DOCK7: variants seen among roughly 807,000 people sequenced by gnomAD.
The protein encoded by DOCK7 is dedicator of cytokinesis protein 7.
In DOCK7, 138 loss-of-function variants were observed where a neutral mutation model predicts 271.0. That is an observed-to-expected ratio of 0.51 (90% confidence interval 0.44 to 0.59). The LOEUF (loss-of-function observed/expected upper bound fraction) is 0.59. Among genes scored for constraint, DOCK7 ranks in the 20% least tolerant of loss-of-function variants. DOCK7 has a pLI of 0.00. For synonymous variants in DOCK7, 823 were observed against 876.1 expected (o/e 0.94, Z 1.07); for missense variants, 2,066 against 2,592.4 (o/e 0.80, Z 4.41).
chr1:62,539,125 T>C (rs1315654875), intron 27 of DOCK7, among the ~76,000 whole-genome samples: 1 of 152,238 alleles, frequency 6.6e-6, no homozygotes, highest in East Asian at 1.9e-4. Context: ...TTCCAAACTC[T>C]ACAATGTCCA....
intron 2 of DOCK7, among the ~76,000 whole-genome samples, chr1:62,657,906 A>T (rs1303863693): frequency 6.6e-6 from 1 of 152,112 alleles, no homozygotes; most frequent in African/African-American, 2.4e-5. Context: ...AACAAAAATA[A>T]AAAACATCTT....
chr1:62,584,443 T>A (rs1037876748), intron 15 of DOCK7: 4 of 1,023,444 alleles, frequency 3.9e-6, no homozygotes, highest in Admixed American at 5.5e-5. Flanking sequence ...TGTCTATGTT[T>A]ATATACTCTT....
chr1:62,501,451 G>A (rs1176344465), intron 37 of DOCK7, among the ~76,000 whole-genome samples: 2 of 152,132 alleles, frequency 1.3e-5, no homozygotes, highest in African/African-American at 2.4e-5. Context: ...TAAATCAAGT[G>A]AAGTATATGC....
intron 14 of DOCK7, among the ~76,000 whole-genome samples, chr1:62,615,526 G>T (rs1652330583): frequency 6.6e-6 from 1 of 151,594 alleles, no homozygotes; most frequent in Non-Finnish European, 1.5e-5. Flanking sequence ...GAGGAATAAG[G>T]TTATGTAAAG....
At chr1:62,474,862 G>A (rs1441814909) in intron 47 of DOCK7, among the ~76,000 whole-genome samples, 4 of 152,136 alleles carry the variant, frequency 2.6e-5, no homozygotes, top group African/African-American at 4.8e-5. Flanking sequence ...TTAAAAAAAT[G>A]ATTCCATATC....
At position 62,619,982 on chromosome 1, in the gene DOCK7, G is replaced by A. The variant is rs768424024; in HGVS notation, c.1437C>T (p.Arg479=). 1.2e-6 allele frequency: 2 copies of A among 1,612,854 alleles called. No individual in the cohort carries two copies. Among genetic ancestry groups the A allele is most frequent in the Non-Finnish European group, 1.7e-6 (2 of 1,179,374 alleles). Residue 479 remains arginine, a synonymous_variant, in exon 13 of 50, where the codon CGC becomes CGT. Coordinates refer to ENST00000635253, the MANE Select transcript of DOCK7 (RefSeq NM_001367561.1). Reference sequence around the variant, plus strand: ...ATTTGTAGAGATCTTCATCACTTAAGCGGTCTCCTTCCTGATTTCAATAAT... The same window carrying A: ...ATTTGTAGAGATCTTCATCACTTAAACGGTCTCCTTCCTGATTTCAATAAT... The part of the protein sequence containing the change: ...VTNFFKQEGD[R]LSDEDLYKFL...
At chr1:62,597,863 GAGA>G (rs1649511681) in intron 14 of DOCK7, 1 of 1,599,680 alleles carries the variant, frequency 6.3e-7, no homozygotes. Flanking sequence ...AAAAGGAACT[GAGA>G]AGAACTACAT....
At chr1:62,528,676 T>C (rs190567211) in intron 30 of DOCK7, among the ~76,000 whole-genome samples, 4 of 152,346 alleles carry the variant, frequency 2.6e-5, no homozygotes, top group Admixed American at 2.6e-4. Flanking sequence ...CATTAGATAC[T>C]CAGGAAATGT....
intron 30 of DOCK7, among the ~76,000 whole-genome samples, chr1:62,528,830 G>T (rs1645090397): frequency 6.6e-6 from 1 of 152,108 alleles, no homozygotes. Flanking sequence ...AACTCTGTAG[G>T]TTCTAGTTTT....
At chr1:62,505,631 G>C (rs1416348056) in intron 36 of DOCK7, 51 bp downstream of exon 36, 5 of 1,558,782 alleles carry the variant, frequency 3.2e-6, no homozygotes, top group Non-Finnish European at 4.3e-6. Flanking sequence ...CTTAGACAAT[G>C]TTAATAAAAA....
chr1:62,483,997 G>A (rs867965342), intron 43 of DOCK7: 1 of 151,894 alleles, frequency 6.6e-6, no homozygotes, highest in Non-Finnish European at 1.5e-5. Flanking sequence ...AGAGTTGATC[G>A]CCCTGCTCAT....
At chr1:62,609,368 G>C (rs1344076213) in intron 14 of DOCK7, 2 of 152,118 alleles carry the variant, frequency 1.3e-5, no homozygotes, top group Admixed American at 1.3e-4. Context: ...TATATAATTT[G>C]AAAGAGCAAT....
intron 49 of DOCK7, 62 bp downstream of exon 49, chr1:62,457,476 C>G (rs1210076533): frequency 2.0e-6 from 3 of 1,494,926 alleles, no homozygotes; most frequent in Non-Finnish European, 2.8e-6. Flanking sequence ...AAGACTTCTA[C>G]TAGTTTAACA....
At chr1:62,472,082 T>C (rs1016682738) in intron 48 of DOCK7, among the ~76,000 whole-genome samples, 1 of 152,080 alleles carries the variant, frequency 6.6e-6, no homozygotes, top group African/African-American at 2.4e-5. Flanking sequence ...TTTATTTTTG[T>C]TGCTGTTATT....
chr1:62,651,423 C>T (rs1657347785), intron 4 of DOCK7, among the ~76,000 whole-genome samples: 1 of 133,312 alleles, frequency 7.5e-6, no homozygotes, highest in African/African-American at 2.9e-5. Context: ...AAGTTGTGCA[C>T]ATGTACCCTA....
intron 15 of DOCK7, chr1:62,584,262 C>T (rs1647250361): frequency 1.0e-6 from 1 of 973,602 alleles, no homozygotes; most frequent in African/African-American, 1.8e-5. Context: ...TATGACTTTC[C>T]TAAGATATAT....
intron 11 of DOCK7, among the ~76,000 whole-genome samples, chr1:62,626,904 C>A (rs1031316938): frequency 6.6e-6 from 1 of 152,030 alleles, no homozygotes; most frequent in Non-Finnish European, 1.5e-5. Context: ...CCAGTATTAC[C>A]CTGATACCAA....
rs1644825298 is a variant in DOCK7 at position 62,520,832 on chromosome 1, A to G, written c.3937-6934T>C. Among the ~76,000 whole-genome samples the G allele has an allele frequency of 2.0e-5, 3 of 152,232 alleles. No individual in the cohort carries two copies. The South Asian group carries it at 6.2e-4, about 32-fold the overall frequency. On this transcript the variant is annotated intron_variant, in intron 31 of 49. Transcript: ENST00000635253. ...TGTTTACTGTGGCACTATTCACAGT[A>G]GCAAAGACTTAGAAACAATCCCAAT...
At chr1:62,630,523 C>T (rs186513744) in intron 11 of DOCK7, among the ~76,000 whole-genome samples, 28 of 152,170 alleles carry the variant, frequency 1.8e-4, no homozygotes, top group Admixed American at 3.3e-4. Context: ...CACACACACA[C>T]CCATGTTACC....
Sources: gnomAD v4.1 joint callset for allele counts (sites outside exome capture counted in the v4.1 genomes callset) on GRCh38, gnomAD v4.1.1 for gene constraint, MANE v1.5 for transcripts, NCBI Gene and HGNC (gene_info 2026-07-23, HGNC 2026-07-21) for gene names.